SLFN11: variants seen among roughly 807,000 people sequenced by gnomAD.
SLFN11 encodes schlafen family member 11.
Under a neutral mutation model 53.4 loss-of-function variants are expected in SLFN11, and 43 were observed. The ratio of observed to expected loss-of-function variants is 0.80; its 90% CI spans 0.63 to 1.04. The LOEUF (loss-of-function observed/expected upper bound fraction) is 1.04, where lower values mean the gene tolerates loss of function less well. Ranked by LOEUF, SLFN11 falls within the 50% of genes least tolerant of loss-of-function variation. The pLI, the probability that SLFN11 is intolerant of heterozygous loss-of-function variation, is 0.00. For missense variants in SLFN11, 990 were observed against 1,079.1 expected (o/e 0.92, Z 1.16); for synonymous variants, 389 against 394.7 (o/e 0.99, Z 0.17).
rs62079540 is a variant in SLFN11 at position 35,352,421 on chromosome 17, C to T, written c.2641G>A (p.Val881Ile). Residue 881 changes from valine (V) to isoleucine (I), a missense_variant, in exon 7 of 7, where the codon GTT (valine) becomes ATT (isoleucine). Transcript: ENST00000685675. ...GCCCTGGAAGCCAGACAGATCAGAA[C>T]ATTGGGTAAGATAGCTGGGTCAGCT... The part of the protein sequence containing the change: ...RTADPAILPN[V>I]LICLASRAKQ... 55,706 of 1,614,148 alleles carry T rather than the reference C, an allele frequency of 0.035. 1,102 individuals are homozygous for T. The highest frequency in any genetic ancestry group is 0.069 in the East Asian group (3,110 of 44,886).
At chr17:35,354,503 C>T (rs1351675731) in intron 5 of SLFN11, among the ~76,000 whole-genome samples, 1 of 152,146 alleles carries the variant, frequency 6.6e-6, no homozygotes, top group East Asian at 1.9e-4. Flanking sequence ...TCCACTGCCA[C>T]AGGAAGAAGG....
chr17:35,352,122 GA>G lies in SLFN11; in HGVS notation c.*233del, dbSNP rs1165145170. On this transcript the variant is annotated 3_prime_UTR_variant, in exon 7 of 7. Coordinates refer to ENST00000685675, the MANE Select transcript of SLFN11 (RefSeq NM_001376007.1). ...GTGCAGGACAGCTAAAGTTCCTTTAGAAAACCACCATCTTTCTGGCTGGAAG... is the reference window on the plus strand; with the variant it reads ...GTGCAGGACAGCTAAAGTTCCTTTAGAAACCACCATCTTTCTGGCTGGAAG... The G allele has an allele frequency of 1.2e-5, 7 of 586,622 alleles. No individual in the cohort carries two copies. Among genetic ancestry groups the G allele is most frequent in the Non-Finnish European group, 2.1e-5 (7 of 333,556 alleles). 36.3% of individuals were successfully genotyped at this position (586,622 alleles called of 1,614,324 possible). A position where few individuals can be genotyped will look rare whatever the true frequency, so the allele number is the denominator to read the frequency against.
intron 3 of SLFN11, among the ~76,000 whole-genome samples, chr17:35,365,523 GGCTCAA>G (rs1345455689): frequency 1.3e-5 from 2 of 152,012 alleles, no homozygotes; most frequent in Non-Finnish European, 2.9e-5. Flanking sequence ...CAAACTCCTG[GGCTCAA>G]GCAATCCTCC....
At chr17:35,364,925 A>G (rs1329770465) in intron 3 of SLFN11, among the ~76,000 whole-genome samples, 1 of 152,114 alleles carries the variant, frequency 6.6e-6, no homozygotes, top group Non-Finnish European at 1.5e-5. Context: ...GGGGAGAGGT[A>G]AAAAGAAATG....
intron 5 of SLFN11, among the ~76,000 whole-genome samples, chr17:35,355,908 C>A (rs1039143363): frequency 6.6e-6 from 1 of 152,110 alleles, no homozygotes; most frequent in Admixed American, 6.5e-5. Context: ...AGAGCTCCCA[C>A]TTTGTATCCA....
In SLFN11 at chr17:35,363,629, ACTC is replaced by A. The variant is rs1212994607; in HGVS notation, c.176_178del (p.Gly59del). 17 of 1,613,058 alleles carry A rather than the reference ACTC, an allele frequency of 1.1e-5. No homozygotes were observed. Among genetic ancestry groups the A allele is most frequent in the Non-Finnish European group, 1.4e-5 (17 of 1,179,744 alleles). Reference sequence around the variant, plus strand: ...CTCAACCTTCTTGGCCATTCGAATCACTCCTCCTCCTGAGTTTAATAAAGCACA... The same window carrying A: ...CTCAACCTTCTTGGCCATTCGAATCACTCCTCCTGAGTTTAATAAAGCACA... On this transcript the variant is annotated inframe_deletion, in exon 4 of 7. Transcript: ENST00000685675.
chr17:35,359,141 A>G (rs1387760142), intron 5 of SLFN11, among the ~76,000 whole-genome samples: 1 of 152,164 alleles, frequency 6.6e-6, no homozygotes, highest in Non-Finnish European at 1.5e-5. Flanking sequence ...ATTTTTTTAT[A>G]CCAGAATAAT....
rs531279429 is a variant in SLFN11 at position 35,367,008 on chromosome 17, T to C, written c.-81A>G. 2.0e-5 allele frequency: 3 copies of C among 151,756 alleles called. No individual in the cohort carries two copies. Among genetic ancestry groups the C allele is most frequent in the African/African-American group, 7.3e-5 (3 of 41,378 alleles). 9.4% of individuals were successfully genotyped at this position (151,756 alleles called of 1,614,324 possible). A position where few individuals can be genotyped will look rare whatever the true frequency, so the allele number is the denominator to read the frequency against. On this transcript the variant is annotated 5_prime_UTR_variant, in exon 3 of 7. Transcript: ENST00000685675. The stretch of plus-strand genomic sequence containing the variant: ...AATCACCTGAGCCTTCGAGACGAGA[T>C]TGTGGTGAACCAAGATCGTGCCACT...
At chr17:35,360,485 TCAAAA>T in intron 4 of SLFN11, 114 bp from the exon 5 acceptor site, 1 of 1,008,744 alleles carries the variant, frequency 9.9e-7, no homozygotes, top group Non-Finnish European at 1.4e-6. Flanking sequence ...AGAGATAATA[TCAAAA>T]TAACTCTCCT....
rs1567812176 is a variant in SLFN11, at chr17:35,350,859, T to C, written c.*1497A>G. 1 of 152,232 alleles carries C rather than the reference T, an allele frequency of 6.6e-6. No homozygotes were observed. The highest frequency in any genetic ancestry group is 1.5e-5 in the Non-Finnish European group (1 of 68,034). The allele number at this position is 152,232 out of a possible 1,614,324, so 9.4% of individuals were successfully genotyped here. On this transcript the variant is annotated 3_prime_UTR_variant, in exon 7 of 7. Transcript: ENST00000685675. ...TTACCAATAAGTGAAATATTGGTCA[T>C]ATGATTTCTTAGTTTCCATTAGTTA...
Position 35,352,764 on chromosome 17 carries a change from T to C in SLFN11, c.2298A>G (p.Glu766=). 6.2e-7 allele frequency: 1 copy of C among 1,614,236 alleles called. No homozygotes were observed. The highest frequency in any genetic ancestry group is 8.5e-7 in the Non-Finnish European group (1 of 1,180,046). ...IPTGCLEVFP[E]AEWSQGVQGT... is the part of the protein sequence containing the mutation. Reference sequence around the variant, plus strand: ...CCTGAACACCCTGGGACCATTCGGCTTCAGGAAATACCTCGAGGCACCCAG... The same window carrying C: ...CCTGAACACCCTGGGACCATTCGGCCTCAGGAAATACCTCGAGGCACCCAG... Residue 766 remains glutamate, a synonymous_variant, in exon 7 of 7, where the codon GAA becomes GAG. Coordinates refer to ENST00000685675, the MANE Select transcript of SLFN11 (RefSeq NM_001376007.1).
Position 35,352,867 on chromosome 17 carries a change from C to G in SLFN11, c.2195G>C (p.Arg732Pro). ...GTACTTGGCTATTGGATCTGCATTGCGAACTATTCTGGTGAGCTCTTCTCT... is the reference window on the plus strand; with the variant it reads ...GTACTTGGCTATTGGATCTGCATTGGGAACTATTCTGGTGAGCTCTTCTCT... ...YPREELTRIV[R>P]NADPIAKYLQ... The change falls in exon 7 of 7, where the codon CGC becomes CCC. Residue 732 changes from arginine (R) to proline (P), a missense_variant. By Grantham distance (103) the Arg-to-Pro change is moderately radical. Around this residue, in one of 3 missense-constraint regions of SLFN11, gnomAD observed 313 missense variants for 320.9 expected, o/e 0.98. Coordinates refer to ENST00000685675, the MANE Select transcript of SLFN11 (RefSeq NM_001376007.1). 6 of 1,614,168 alleles carry G rather than the reference C, an allele frequency of 3.7e-6. No homozygotes were observed. The highest frequency in any genetic ancestry group is 5.1e-6 in the Non-Finnish European group (6 of 1,180,030).
chr17:35,373,249 A>G (rs1316914373), intron 1 of SLFN11, among the ~76,000 whole-genome samples: 1 of 143,846 alleles, frequency 7.0e-6, no homozygotes, highest in Non-Finnish European at 1.5e-5. Context: ...CCCGCCCCTA[A>G]TGCCTTCTAC....
chr17:35,351,121 T>C lies in SLFN11; in HGVS notation c.*1235A>G, dbSNP rs1906618878. The C allele has an allele frequency of 6.6e-6, 1 of 152,244 alleles. No homozygotes were observed. The highest frequency in any genetic ancestry group is 1.5e-5 in the Non-Finnish European group (1 of 68,036). The allele number at this position is 152,244 out of a possible 1,614,324, so 9.4% of individuals were successfully genotyped here. The stretch of plus-strand genomic sequence containing the variant: ...GGAAGTCCAAGACAGAGTCCAAGAC[T>C]CTCGCCAGCAGCGAGAGTTTGATTG... On this transcript the variant is annotated 3_prime_UTR_variant, in exon 7 of 7. Coordinates refer to ENST00000685675, the MANE Select transcript of SLFN11 (RefSeq NM_001376007.1).
Position 35,353,953 on chromosome 17 carries a change from A to G in SLFN11, c.1305T>C (p.Phe435=), listed in dbSNP as rs757653412. The G allele has an allele frequency of 5.6e-6, 9 of 1,613,836 alleles. No individual in the cohort carries two copies. The highest frequency in any genetic ancestry group is 2.2e-5 in the South Asian group (2 of 91,086). Residue 435 remains phenylalanine, a synonymous_variant, in exon 6 of 7, where the codon TTT becomes TTC. Coordinates refer to ENST00000685675, the MANE Select transcript of SLFN11 (RefSeq NM_001376007.1). ...TTCTAGAGAAGATCAAAATTCCCCG[A>G]AAGAAAGGTTGCATTTGCTTATTTA... ...ELINKQMQPF[F]RGILIFSRSW...
Position 35,363,598 on chromosome 17 carries a change from G to C in SLFN11, c.210C>G (p.Pro70=), listed in dbSNP as rs116005359. ...GTTCTAAATCCAGTCCCATCTCCAC[G>C]GGATGCTCAACCTTCTTGGCCATTC... ...VIRMAKKVEH[P]VEMGLDLEQS... The change falls in exon 4 of 7, where the codon CCC becomes CCG. Residue 70 remains proline (P), a synonymous_variant. Coordinates refer to ENST00000685675, the MANE Select transcript of SLFN11 (RefSeq NM_001376007.1). 275 of 1,613,778 alleles carry C rather than the reference G, an allele frequency of 1.7e-4. 1 individual carries two copies. In the African/African-American group the frequency reaches 3.2e-3, roughly 19 times the overall value.
intron 1 of SLFN11, among the ~76,000 whole-genome samples, chr17:35,371,717 AG>A (rs1300380359): frequency 6.6e-6 from 1 of 152,134 alleles, no homozygotes; most frequent in Non-Finnish European, 1.5e-5. Flanking sequence ...GCATGTGAAA[AG>A]GTGCTCAACA....
intron 3 of SLFN11, among the ~76,000 whole-genome samples, chr17:35,365,147 A>G (rs1908795993): frequency 6.6e-6 from 1 of 152,084 alleles, no homozygotes; most frequent in African/African-American, 2.4e-5. Flanking sequence ...GGAGAAATGG[A>G]GATAATAGGC....
At chr17:35,373,207 C>T (rs1909910230) in intron 1 of SLFN11, among the ~76,000 whole-genome samples, 2 of 151,946 alleles carry the variant, frequency 1.3e-5, no homozygotes, top group African/African-American at 4.8e-5. Context: ...CTTCCAACTT[C>T]CAGCGGGAGC....
Sources: gnomAD v4.1 joint callset for allele counts (sites outside exome capture counted in the v4.1 genomes callset) on GRCh38, gnomAD v4.1.1 for gene constraint, gnomAD v4.1.1 regional missense constraint, MANE v1.5 for transcripts, NCBI Gene and HGNC (gene_info 2026-07-23, HGNC 2026-07-21) for gene names.